The following TEX14 variants were observed in gnomAD, a reference collection of about 807,000 sequenced individuals.
TEX14 encodes the protein inactive serine/threonine-protein kinase TEX14.
TEX14 carries 168 observed loss-of-function variants against 178.6 expected under a neutral mutation model. The observed-to-expected ratio is 0.94, with a 90% CI of 0.83 to 1.07. The LOEUF is 1.07. TEX14 is among the 50% of genes least tolerant of loss of function. TEX14 has a pLI of 0.00. For missense variants in TEX14, 1,730 were observed against 1,753.6 expected (o/e 0.99, Z 0.24); for synonymous variants, 626 against 634.1 (o/e 0.99, Z 0.19).
At position 58,636,643 on chromosome 17, in the gene TEX14, TGGGG is replaced by T. The variant is rs569158615; in HGVS notation, c.137-6093_137-6090del. Among the ~76,000 whole-genome samples, 1,177 of 152,260 alleles carry T rather than the reference TGGGG, an allele frequency of 7.7e-3. 11 individuals carry two copies. Among genetic ancestry groups the T allele is most frequent in the African/African-American group, 0.026 (1,096 of 41,562 alleles). On this transcript the variant is annotated intron_variant, in intron 2 of 31. Coordinates refer to ENST00000349033, the MANE Select transcript of TEX14 (RefSeq NM_031272.5). Reference sequence around the variant, plus strand: ...TCTGTGATATTGTGAAATATGTATTTGGGGCCGGGGGTGGTGGCTCATGCCTGTC... The same window carrying T: ...TCTGTGATATTGTGAAATATGTATTTCCGGGGGTGGTGGCTCATGCCTGTC...
intron 10 of TEX14, among the ~76,000 whole-genome samples, chr17:58,609,450 T>A (rs1026954181): frequency 3.3e-5 from 5 of 152,118 alleles, no homozygotes; most frequent in Admixed American, 3.3e-4. Flanking sequence ...TCAATGTTGG[T>A]CAGGCTGGTA....
At chr17:58,659,270 A>C (rs1341070787) in intron 1 of TEX14, 2 of 857,284 alleles carry the variant, frequency 2.3e-6, no homozygotes, top group East Asian at 1.2e-4. Flanking sequence ...ACACTTTATC[A>C]GGACCAACAG....
Position 58,623,181 on chromosome 17 carries a change from T to TACAC in TEX14, c.252-173_252-170dup, listed in dbSNP as rs34181308. Among the ~76,000 whole-genome samples the TACAC allele has an allele frequency of 9.8e-3, 1,440 of 146,808 alleles. 10 individuals carry two copies. Among genetic ancestry groups the TACAC allele is most frequent in the African/African-American group, 0.026 (1,031 of 40,400 alleles). On this transcript the variant is annotated intron_variant, in intron 3 of 31. Coordinates refer to ENST00000349033, the MANE Select transcript of TEX14 (RefSeq NM_031272.5). The stretch of plus-strand genomic sequence containing the variant: ...TGTCTGTGCCCACAGGAACTTTCTG[T>TACAC]ACACACACACACACACACACACACA...
intron 19 of TEX14, among the ~76,000 whole-genome samples, chr17:58,581,964 G>A (rs1169876597): frequency 6.6e-6 from 1 of 152,112 alleles, no homozygotes; most frequent in African/African-American, 2.4e-5. Flanking sequence ...CTGAGCCTCA[G>A]CATCATCATC....
intron 3 of TEX14, among the ~76,000 whole-genome samples, chr17:58,628,056 C>T (rs2046189894): frequency 6.6e-6 from 1 of 151,526 alleles, no homozygotes; most frequent in South Asian, 2.1e-4. Context: ...ATCTGGCTGA[C>T]CCCTTTCTCT....
intron 29 of TEX14, 80 bp downstream of exon 29, chr17:58,561,440 C>A: frequency 2.2e-6 from 2 of 918,054 alleles, no homozygotes; most frequent in South Asian, 1.4e-5. Context: ...CATCATCAGG[C>A]ATTCATTCTC....
intron 10 of TEX14, among the ~76,000 whole-genome samples, chr17:58,607,853 C>T (rs302852): frequency 0.24 from 36,495 of 152,172 alleles, 5,292 homozygotes; most frequent in Middle Eastern, 0.41. Context: ...ACCGGCCAGC[C>T]GTAGTGGCTC....
Position 58,573,256 on chromosome 17 carries a change from A to G in TEX14, c.3436T>C (p.Ser1146Pro), listed in dbSNP as rs770443168. The G allele has an allele frequency of 1.2e-6, 2 of 1,613,980 alleles. No individual in the cohort carries two copies. Among genetic ancestry groups the G allele is most frequent in the East Asian group, 2.2e-5 (1 of 44,892 alleles). The change falls in exon 23 of 32, where the codon TCT becomes CCT. Residue 1146 changes from serine (S) to proline (P), a missense_variant. Physicochemically the swap from Ser to Pro is moderately conservative, Grantham distance 74. This residue lies in a region of TEX14 where 941 missense variants were observed against 1,072.4 expected (regional missense o/e 0.88). Coordinates refer to ENST00000349033, the MANE Select transcript of TEX14 (RefSeq NM_031272.5). ...GTTTTGCATGAAGCTTCCTTAAAAG[A>G]GCTGTCTGGTTCATAGGAGATACTA... ...LSSISYEPDS[S>P]FKEASCKTPK...
At chr17:58,583,330 C>T (rs2044870517) in intron 19 of TEX14, among the ~76,000 whole-genome samples, 1 of 151,962 alleles carries the variant, frequency 6.6e-6, no homozygotes, top group Non-Finnish European at 1.5e-5. Context: ...GGGGTCTTGC[C>T]ATGTTGCCAA....
intron 28 of TEX14, among the ~76,000 whole-genome samples, chr17:58,563,864 A>C (rs113287743): frequency 6.6e-6 from 1 of 150,826 alleles, no homozygotes; most frequent in African/African-American, 2.4e-5. Flanking sequence ...ACATTTCTCC[A>C]AAGAAGATAT....
At chr17:58,659,039 C>CGTAAG (rs1277216683) in intron 1 of TEX14, among the ~76,000 whole-genome samples, 1 of 150,572 alleles carries the variant, frequency 6.6e-6, no homozygotes, top group Admixed American at 6.6e-5. Context: ...CCTAAGAAGA[C>CGTAAG]GTAAGGTCAT....
chr17:58,630,993 A>T (rs998542142), intron 2 of TEX14: 1 of 172,760 alleles, frequency 5.8e-6, no homozygotes, highest in African/African-American at 2.4e-5. Context: ...AAAACAGACC[A>T]ATTTCCAGTA....
intron 5 of TEX14, among the ~76,000 whole-genome samples, chr17:58,620,540 C>A (rs2144544456): frequency 6.6e-6 from 1 of 152,090 alleles, no homozygotes; most frequent in South Asian, 2.1e-4. Flanking sequence ...GTCACCCAGG[C>A]TGGAGTGCAG....
At chr17:58,570,599 C>G in intron 24 of TEX14, 115 bp from the exon 25 acceptor site, 1 of 532,314 alleles carries the variant, frequency 1.9e-6, no homozygotes, top group Non-Finnish European at 3.2e-6. Context: ...CACATGTCAC[C>G]TCCTCTGGGA....
chr17:58,673,042 T>C (rs1034635073), intron 1 of TEX14, among the ~76,000 whole-genome samples: 8 of 152,048 alleles, frequency 5.3e-5, no homozygotes, highest in African/African-American at 1.9e-4. Flanking sequence ...GGCATTCCTT[T>C]TATACATACT....
At chr17:58,617,060 G>GGT (rs1400130319) in intron 6 of TEX14, among the ~76,000 whole-genome samples, 2 of 152,136 alleles carry the variant, frequency 1.3e-5, no homozygotes, top group African/African-American at 4.8e-5. Context: ...AGACCAGCCT[G>GGT]GGCAACATGG....
chr17:58,643,741 G>A (rs1380301231), intron 2 of TEX14, among the ~76,000 whole-genome samples: 1 of 151,476 alleles, frequency 6.6e-6, no homozygotes, highest in East Asian at 1.9e-4. Context: ...GTGTGGTGAT[G>A]CACGACTGTA....
chr17:58,651,743 T>C (rs745370901), intron 2 of TEX14, 123 bp downstream of exon 2: 2 of 919,024 alleles, frequency 2.2e-6, no homozygotes, highest in Non-Finnish European at 3.2e-6. Context: ...AACATCTAAT[T>C]TCTACATTTA....
chr17:58,650,688 G>A (rs2046821979), intron 2 of TEX14, among the ~76,000 whole-genome samples: 2 of 151,910 alleles, frequency 1.3e-5, no homozygotes, highest in South Asian at 2.1e-4. Context: ...TCTCAGACTG[G>A]TCTTGAACTC....
Sources: gnomAD v4.1 joint callset for allele counts (sites outside exome capture counted in the v4.1 genomes callset) on GRCh38, gnomAD v4.1.1 for gene constraint, gnomAD v4.1.1 regional missense constraint, MANE v1.5 for transcripts, NCBI Gene and HGNC (gene_info 2026-07-23, HGNC 2026-07-21) for gene names.